Variants in DIP2C observed in about 807,000 individuals in gnomAD.
DIP2C encodes the protein disco-interacting protein 2 homolog C.
A neutral mutation model predicts 192.4 loss-of-function variants in DIP2C; 33 were observed. That is an observed-to-expected ratio of 0.17 (90% CI 0.13 to 0.23). DIP2C has a LOEUF of 0.23. DIP2C is among the 10% of genes least tolerant of loss of function. The pLI, the probability that DIP2C is intolerant of heterozygous loss-of-function variation, is 1.00. For synonymous variants in DIP2C, 979 were observed against 864.1 expected, an observed-to-expected ratio of 1.13 and a Z score of -2.33; for missense variants, 1,537 against 2,110.1, an observed-to-expected ratio of 0.73 and a Z score of 5.32.
chr10:521,358 G>A (rs1250985786), intron 1 of DIP2C, among the ~76,000 whole-genome samples: 1 of 152,064 alleles, frequency 6.6e-6, no homozygotes, highest in East Asian at 1.9e-4. Context: ...GGGGACTCCC[G>A]ACTCCCCAAG....
At chr10:610,689 G>A (rs1853034769) in intron 1 of DIP2C, among the ~76,000 whole-genome samples, 1 of 152,224 alleles carries the variant, frequency 6.6e-6, no homozygotes, top group African/African-American at 2.4e-5. Flanking sequence ...ATGCTGAACT[G>A]TAACCCCCAG....
Position 327,034 on chromosome 10 carries a change from C to A in DIP2C, c.3896G>T (p.Cys1299Phe). The A allele has an allele frequency of 1.2e-6, 2 of 1,613,920 alleles. No homozygotes were observed. The highest frequency in any genetic ancestry group is 1.7e-6 in the Non-Finnish European group (2 of 1,179,914). The change falls in exon 31 of 37, where the codon TGC becomes TTC. Residue 1299 changes from cysteine (C) to phenylalanine (F), a missense_variant. Physicochemically the swap from Cys to Phe is radical, Grantham distance 205. Around this residue, in one of 4 missense-constraint regions of DIP2C, gnomAD observed 341 missense variants for 551.7 expected, o/e 0.62. Transcript: ENST00000280886. ...HPRAVSTSFGCRVNLAICLQG... is the reference protein window; with the variant it reads ...HPRAVSTSFGFRVNLAICLQG... ...CAAGCAAATCGCCAGGTTCACCCTGCAACCGAACGAGGTGCTGACGGCCCG... is the reference window on the plus strand; with the variant it reads ...CAAGCAAATCGCCAGGTTCACCCTGAAACCGAACGAGGTGCTGACGGCCCG...
chr10:339,901 T>A (rs1042132010), intron 29 of DIP2C, among the ~76,000 whole-genome samples: 1 of 152,196 alleles, frequency 6.6e-6, no homozygotes, highest in Non-Finnish European at 1.5e-5. Flanking sequence ...CAGAAGAGTG[T>A]TGACAGGAGA....
rs560282245 is a variant in DIP2C at position 624,344 on chromosome 10, G to A, written c.85+65150C>T. Among the ~76,000 whole-genome samples, 5 of 152,202 alleles carry A rather than the reference G, an allele frequency of 3.3e-5. No homozygotes were observed. The South Asian group carries it at 6.2e-4, about 19-fold the overall frequency. ...GGGCCCTCACGCTGCAGGTGGGACC[G>A]TCTAGGGGAGCCCACAGACAGCATC... On this transcript the variant is annotated intron_variant, in intron 1 of 36. Transcript: ENST00000280886.
In DIP2C at chr10:624,115, G is replaced by A. The variant is rs112021270; in HGVS notation, c.85+65379C>T. On this transcript the variant is annotated intron_variant, in intron 1 of 36. Transcript: ENST00000280886. Reference sequence around the variant, plus strand: ...GACTCGGGAACTGCCCAGCCCAAGGGCGCAGCCCCTGACCAGAGAAGGGAG... The same window carrying A: ...GACTCGGGAACTGCCCAGCCCAAGGACGCAGCCCCTGACCAGAGAAGGGAG... 2.1e-3 allele frequency among the ~76,000 whole-genome samples: 326 copies of A among 152,352 alleles called. 2 individuals carry two copies. The highest frequency in any genetic ancestry group is 7.2e-3 in the African/African-American group (299 of 41,592).
chr10:601,569 G>C (rs1852075580), intron 1 of DIP2C, among the ~76,000 whole-genome samples: 2 of 152,200 alleles, frequency 1.3e-5, no homozygotes, highest in African/African-American at 4.8e-5. Context: ...TCTGGAAACA[G>C]CCTGGAATGC....
rs140232205 is a variant in DIP2C, at chr10:586,652, T to A, written c.86-100122A>T. Among the ~76,000 whole-genome samples, 911 of 152,334 alleles carry A rather than the reference T, an allele frequency of 6.0e-3. 13 individuals are homozygous for A. The highest frequency in any genetic ancestry group is 0.021 in the African/African-American group (860 of 41,574). Reference sequence around the variant, plus strand: ...ATAGTATTGAGTTAACAGATTTTTGTGAGGAAACTTTCACTGGGAAAAACA... The same window carrying A: ...ATAGTATTGAGTTAACAGATTTTTGAGAGGAAACTTTCACTGGGAAAAACA... On this transcript the variant is annotated intron_variant, in intron 1 of 36. Transcript: ENST00000280886.
chr10:631,593 T>C (rs1854523784), intron 1 of DIP2C, among the ~76,000 whole-genome samples: 1 of 152,132 alleles, frequency 6.6e-6, no homozygotes, highest in South Asian at 2.1e-4. Flanking sequence ...CTTTAATGGG[T>C]GAACCCTGAA....
intron 3 of DIP2C, among the ~76,000 whole-genome samples, chr10:461,672 G>A (rs185556495): frequency 8.1e-4 from 123 of 152,146 alleles, no homozygotes; most frequent in Admixed American, 3.4e-3. Flanking sequence ...TCAGCTCTGG[G>A]CCAAGCGGAC....
intron 1 of DIP2C, among the ~76,000 whole-genome samples, chr10:634,959 G>A (rs1188735824): frequency 6.6e-6 from 1 of 152,096 alleles, no homozygotes; most frequent in Non-Finnish European, 1.5e-5. Context: ...AAGACTGAGA[G>A]GAATAACCAC....
chr10:360,839 G>C (rs1959391554), intron 22 of DIP2C, among the ~76,000 whole-genome samples: 1 of 152,188 alleles, frequency 6.6e-6, no homozygotes, highest in South Asian at 2.1e-4. Context: ...GTGTCAATAG[G>C]CTGTCTCTGT....
At chr10:436,299 C>T (rs947997531) in intron 4 of DIP2C, among the ~76,000 whole-genome samples, 1 of 152,240 alleles carries the variant, frequency 6.6e-6, no homozygotes, top group Non-Finnish European at 1.5e-5. Flanking sequence ...CTCAGGATCC[C>T]ATAAGCTTCT....
intron 15 of DIP2C, 107 bp from the exon 16 acceptor site, chr10:384,253 C>A: frequency 1.1e-5 from 11 of 1,037,180 alleles, no homozygotes; most frequent in South Asian, 3.0e-5. Context: ...AATCACTGGT[C>A]ACCCAGCCCC....
intron 29 of DIP2C, among the ~76,000 whole-genome samples, chr10:336,572 T>C (rs1957777337): frequency 6.6e-6 from 1 of 152,256 alleles, no homozygotes; most frequent in Non-Finnish European, 1.5e-5. Context: ...ACTTTAACCA[T>C]GATGACAAAC....
chr10:386,840 G>A (rs1478584949), intron 14 of DIP2C, among the ~76,000 whole-genome samples: 1 of 152,186 alleles, frequency 6.6e-6, no homozygotes, highest in African/African-American at 2.4e-5. Flanking sequence ...TACCACATAT[G>A]AAACAGATGG....
chr10:617,371 G>A (rs1853541070), intron 1 of DIP2C, among the ~76,000 whole-genome samples: 1 of 151,942 alleles, frequency 6.6e-6, no homozygotes, highest in Non-Finnish European at 1.5e-5. Context: ...TTTCTCAAAT[G>A]TGAGATGGGA....
chr10:422,803 GAC>G lies in DIP2C; in HGVS notation c.604+19_604+20del. ...GGCGTTTACACAACAGGCACAGAAA[GAC>G]ACCGTGAAGCGTGCTCACCTATGTG... On this transcript the variant is annotated intron_variant, in intron 5 of 36. Coordinates refer to ENST00000280886, the MANE Select transcript of DIP2C (RefSeq NM_014974.3). 6.2e-7 allele frequency: 1 copy of G among 1,603,176 alleles called. No homozygotes were observed. The highest frequency in any genetic ancestry group is 2.2e-4 in the Middle Eastern group (1 of 4,482).
chr10:645,732 A>G (rs1364838665), intron 1 of DIP2C, among the ~76,000 whole-genome samples: 1 of 152,214 alleles, frequency 6.6e-6, no homozygotes, highest in Non-Finnish European at 1.5e-5. Flanking sequence ...AAACAGAAGG[A>G]AGTGCATGAA....
chr10:448,074 T>C (rs879003864), intron 3 of DIP2C, among the ~76,000 whole-genome samples: 5 of 87,048 alleles, frequency 5.7e-5, no homozygotes, highest in African/African-American at 1.8e-4. Context: ...CATCCCCGTC[T>C]ATACTCAGGA....
Sources: allele counts gnomAD v4.1 joint callset (sites outside exome capture counted in the v4.1 genomes callset), GRCh38; gene constraint gnomAD v4.1.1; regional missense constraint gnomAD v4.1.1; transcripts MANE v1.5; gene names NCBI Gene and HGNC (gene_info 2026-07-23, HGNC 2026-07-21).